The following SCRN3 variants were observed in gnomAD, a reference collection of about 807,000 sequenced individuals.
SCRN3 encodes the protein secernin-3.
SCRN3 carries 39 observed loss-of-function variants against 43.1 expected under a neutral mutation model. The observed-to-expected ratio is 0.91, with a 90% CI of 0.70 to 1.18. The LOEUF (loss-of-function observed/expected upper bound fraction) is 1.18. Among genes scored for constraint, SCRN3 ranks in the 50% most tolerant of loss-of-function variants. SCRN3 has a pLI of 0.00. For missense variants in SCRN3, 484 were observed against 498.0 expected (o/e 0.97, Z 0.27); for synonymous variants, 147 against 163.1 (o/e 0.90, Z 0.75).
downstream of SCRN3, among the ~76,000 whole-genome samples, chr2:174,429,984 T>C (rs1038444011): frequency 6.6e-6 from 1 of 152,250 alleles, no homozygotes; most frequent in Non-Finnish European, 1.5e-5. Context: ...CTAAGTAATA[T>C]TCGATTGTCT....
chr2:174,412,351 A>ATT (rs201555468), intron 5 of SCRN3, among the ~76,000 whole-genome samples: 27 of 146,062 alleles, frequency 1.8e-4, no homozygotes, highest in Middle Eastern at 7.1e-3. Context: ...TCTCCTGGGA[A>ATT]TTTTTTTTTT....
At chr2:174,421,957 G>A (rs12990989) in intron 5 of SCRN3, among the ~76,000 whole-genome samples, 29,589 of 151,948 alleles carry the variant, frequency 0.19, 3,373 homozygotes, top group Middle Eastern at 0.37. Context: ...ATTTTTTTAA[G>A]TGTATAAATA....
chr2:174,414,809 G>T (rs1388862661), intron 5 of SCRN3, among the ~76,000 whole-genome samples: 1 of 146,620 alleles, frequency 6.8e-6, no homozygotes, highest in Non-Finnish European at 1.5e-5. Context: ...TGTCCCCCAG[G>T]CTGGAATGCA....
At chr2:174,398,854 T>G (rs572735202) in intron 2 of SCRN3, among the ~76,000 whole-genome samples, 1 of 152,302 alleles carries the variant, frequency 6.6e-6, no homozygotes, top group African/African-American at 2.4e-5. Flanking sequence ...AGAATGAACA[T>G]TTAATTCAGC....
chr2:174,399,954 A>G lies in SCRN3; in HGVS notation c.192A>G (p.Glu64=), dbSNP rs1685447817. 6.5e-7 allele frequency: 1 copy of G among 1,546,402 alleles called. No individual in the cohort carries two copies. Among genetic ancestry groups the G allele is most frequent in the Non-Finnish European group, 8.7e-7 (1 of 1,155,720 alleles). ...ATATAGAAATTGATCAAGTTCCTGA[A>G]ACATATGCTGTTGTCCTGAGTCGCC... The part of the protein sequence containing the change: ...CTYIEIDQVP[E]TYAVVLSRPA... The change falls in exon 3 of 8, where the codon GAA becomes GAG. Residue 64 remains glutamate, a synonymous_variant. Coordinates refer to ENST00000272732, the MANE Select transcript of SCRN3 (RefSeq NM_024583.5).
intron 5 of SCRN3, among the ~76,000 whole-genome samples, chr2:174,421,423 A>G (rs1457385530): frequency 6.6e-6 from 1 of 152,226 alleles, no homozygotes; most frequent in East Asian, 1.9e-4. Flanking sequence ...CAATGGCCAC[A>G]GCTGCAGTGC....
chr2:174,404,387 C>G, intron 5 of SCRN3, 72 bp downstream of exon 5: 1 of 996,876 alleles, frequency 1.0e-6, no homozygotes, highest in East Asian at 2.7e-5. Flanking sequence ...GGAATGATAA[C>G]ATCTGTTTTG....
At chr2:174,415,020 C>A (rs1211991764) in intron 5 of SCRN3, among the ~76,000 whole-genome samples, 1 of 152,156 alleles carries the variant, frequency 6.6e-6, no homozygotes, top group Non-Finnish European at 1.5e-5. Flanking sequence ...CCACCTTGGC[C>A]TCCCAAAGTG....
chr2:174,414,520 T>A (rs1686034630), intron 5 of SCRN3, among the ~76,000 whole-genome samples: 2 of 152,260 alleles, frequency 1.3e-5, no homozygotes, highest in South Asian at 4.1e-4. Context: ...ATGATGTAGA[T>A]CATTCTGTTT....
At chr2:174,416,442 G>A (rs1343952894) in intron 5 of SCRN3, among the ~76,000 whole-genome samples, 2 of 152,198 alleles carry the variant, frequency 1.3e-5, no homozygotes, top group Non-Finnish European at 2.9e-5. Flanking sequence ...TGGAAGATTT[G>A]AGGGTAAAGA....
intron 1 of SCRN3, chr2:174,396,961 T>C (rs1397222274): frequency 4.3e-6 from 2 of 465,062 alleles, no homozygotes; most frequent in African/African-American, 4.3e-5. Flanking sequence ...TCAAATAGTG[T>C]CTTATTTTTC....
chr2:174,415,364 A>C (rs1359805834), intron 5 of SCRN3, among the ~76,000 whole-genome samples: 1 of 152,186 alleles, frequency 6.6e-6, no homozygotes, highest in Admixed American at 6.5e-5. Flanking sequence ...TACAATTTTA[A>C]TATTTTTTTT....
At chr2:174,411,894 C>T (rs1685930955) in intron 5 of SCRN3, among the ~76,000 whole-genome samples, 1 of 152,138 alleles carries the variant, frequency 6.6e-6, no homozygotes, top group Non-Finnish European at 1.5e-5. Flanking sequence ...GCACTCCAGC[C>T]TGGGTGTCAG....
intron 5 of SCRN3, among the ~76,000 whole-genome samples, chr2:174,416,739 G>T (rs1686124725): frequency 6.6e-6 from 1 of 152,166 alleles, no homozygotes; most frequent in Non-Finnish European, 1.5e-5. Flanking sequence ...GATATTTTCA[G>T]TCTTTTATTG....
At position 174,406,549 on chromosome 2, in the gene SCRN3, A is replaced by G. The variant is rs28798535; in HGVS notation, c.754+2234A>G. On this transcript the variant is annotated intron_variant, in intron 5 of 7. Transcript: ENST00000272732. ...CCTGTCTTGTGCCAGTTTTCAAAGG[A>G]AATGCTTCCAGTTTTTGCCCATTCA... Among the ~76,000 whole-genome samples, 430 of 150,562 alleles carry G rather than the reference A, an allele frequency of 2.9e-3. 1 individual carries two copies. Among genetic ancestry groups the G allele is most frequent in the African/African-American group, 9.6e-3 (395 of 41,360 alleles).
At chr2:174,414,802 C>T (rs1686047774) in intron 5 of SCRN3, among the ~76,000 whole-genome samples, 2 of 130,632 alleles carry the variant, frequency 1.5e-5, no homozygotes, top group South Asian at 2.3e-4. Context: ...CTTGCTGTGT[C>T]CCCCAGGCTG....
chr2:174,400,889 G>A, intron 3 of SCRN3, 101 bp from the exon 4 acceptor site: 1 of 1,032,738 alleles, frequency 9.7e-7, no homozygotes, highest in Non-Finnish European at 1.4e-6. Flanking sequence ...TAACTTGGAA[G>A]AAATTTTACT....
chr2:174,423,762 C>T (rs1686378886), intron 6 of SCRN3, among the ~76,000 whole-genome samples: 1 of 150,988 alleles, frequency 6.6e-6, no homozygotes, highest in African/African-American at 2.4e-5. Flanking sequence ...AGCCACCGCA[C>T]CCGGCCAAGT....
At position 174,395,998 on chromosome 2, in the gene SCRN3, A is replaced by C. The variant is rs1685292450; in HGVS notation, c.-10+181A>C. On this transcript the variant is annotated intron_variant, in intron 1 of 7. Transcript: ENST00000272732. ...CGGCCCTTCGACCAAAGGTGCTTGA[A>C]GCTCGAGCCCATTACTTTCTGTGGA... 5.9e-6 allele frequency: 8 copies of C among 1,367,040 alleles called. No homozygotes were observed. The African/African-American group carries it at 8.8e-5, about 15-fold the overall frequency. The allele number at this position is 1,367,040 out of a possible 1,614,324, so 84.7% of individuals were successfully genotyped here.
Sources: allele counts gnomAD v4.1 joint callset (sites outside exome capture counted in the v4.1 genomes callset), GRCh38; gene constraint gnomAD v4.1.1; transcripts MANE v1.5; gene names NCBI Gene and HGNC (gene_info 2026-07-23, HGNC 2026-07-21).